The following EXOC3L4 variants were observed in gnomAD, a reference collection of about 807,000 sequenced individuals.
EXOC3L4 encodes exocyst complex component 3-like protein 4.
In EXOC3L4, 62 loss-of-function variants were observed where a neutral mutation model predicts 69.7. The observed-to-expected ratio is 0.89, with a 90% confidence interval of 0.72 to 1.10. The LOEUF (loss-of-function observed/expected upper bound fraction) is 1.10, where lower values mean the gene tolerates loss of function less well. EXOC3L4 is among the 50% of genes least tolerant of loss of function. EXOC3L4 has a pLI of 0.00. For missense variants in EXOC3L4, 1,087 were observed against 1,034.8 expected (o/e 1.05, Z -0.69); for synonymous variants, 502 against 464.2 (o/e 1.08, Z -1.05).
chr14:103,102,752 G>T lies in EXOC3L4; in HGVS notation c.1029G>T (p.Trp343Cys). 1.5e-6 allele frequency: 2 copies of T among 1,370,540 alleles called. No individual in the cohort carries two copies. The highest frequency in any genetic ancestry group is 2.0e-4 in the Middle Eastern group (1 of 5,006). The allele number at this position is 1,370,540 out of a possible 1,614,324, so 84.9% of individuals were successfully genotyped here. A position where few individuals can be genotyped will look rare whatever the true frequency, so the allele number is the denominator to read the frequency against. ...AGCAGCTCTATATCCTGCTGGACTG[G>T]GCCGCCAACGTCTACGGCAGGTGAG... ...GCEQLYILLD[W>C]AANVYGSPDF... Residue 343 changes from tryptophan (W) to cysteine (C), a missense_variant, in exon 3 of 12, where the codon TGG (tryptophan) becomes TGT (cysteine). Physicochemically the swap from Trp to Cys is radical, Grantham distance 215. Coordinates refer to ENST00000688303, the MANE Select transcript of EXOC3L4 (RefSeq NM_001077594.2).
At chr14:103,105,537 C>T (rs7150997) in intron 7 of EXOC3L4, among the ~76,000 whole-genome samples, 30,473 of 151,960 alleles carry the variant, frequency 0.2, 3,446 homozygotes, top group South Asian at 0.27. Flanking sequence ...GAGCAGAGGC[C>T]GAGGGGTTCC....
rs1488108958 is a variant in EXOC3L4 at position 103,107,920 on chromosome 14, C to T, written c.1854+137C>T. 1.5e-5 allele frequency: 19 copies of T among 1,264,844 alleles called. No individual in the cohort carries two copies. In the Middle Eastern group the frequency reaches 8.5e-4, roughly 57 times the overall value. 78.4% of individuals were successfully genotyped at this position (1,264,844 alleles called of 1,614,324 possible). On this transcript the variant is annotated intron_variant, in intron 10 of 11. Coordinates refer to ENST00000688303, the MANE Select transcript of EXOC3L4 (RefSeq NM_001077594.2). ...GGATCAGGTGGAACAGGGACTGGGG[C>T]GCCTGTGGGGCTGGGGGGTGGAGGG...
At chr14:103,105,416 A>AG (rs1191155833) in intron 7 of EXOC3L4, among the ~76,000 whole-genome samples, 14 of 148,470 alleles carry the variant, frequency 9.4e-5, no homozygotes, top group African/African-American at 3.5e-4. Context: ...ATGTGCGTGT[A>AG]GGGGTGGAGC....
Position 103,103,791 on chromosome 14 carries a change from C to T in EXOC3L4, c.1050-150C>T, listed in dbSNP as rs1253713812. On this transcript the variant is annotated intron_variant, in intron 3 of 11. Transcript: ENST00000688303. ...GGTGTGGCATGGCAGCCTAGAGGCG[C>T]GCGCGCGTGTGTGTGTGTGTGTGTG... 806 of 459,294 alleles carry T rather than the reference C, an allele frequency of 1.8e-3. 9 individuals are homozygous for T. The African/African-American group carries it at 0.018, about 10-fold the overall frequency. 28.5% of individuals were successfully genotyped at this position (459,294 alleles called of 1,614,324 possible).
chr14:103,104,181 G>A (rs530977826), intron 4 of EXOC3L4, 86 bp from the exon 5 acceptor site: 153 of 1,453,254 alleles, frequency 1.1e-4, no homozygotes, highest in Middle Eastern at 2.5e-4. Flanking sequence ...GCGCGGGCTT[G>A]TGACCCGACA....
At position 103,100,451 on chromosome 14, in the gene EXOC3L4, C is replaced by T. The variant is rs189674968; in HGVS notation, c.232C>T (p.Arg78Ter). 107 of 1,613,354 alleles carry T rather than the reference C, an allele frequency of 6.6e-5. No homozygotes were observed. Among genetic ancestry groups the T allele is most frequent in the Admixed American group, 4.2e-4 (25 of 60,006 alleles). ...VSKEDTGLFR[R>*]SSCSLFRSFR... ...CAAGGAAGATACGGGCCTGTTCCGG[C>T]GAAGCTCCTGCTCCCTGTTCCGGTC... The change falls in exon 2 of 12, where the codon CGA becomes TGA. Residue 78 changes from arginine to a stop codon, truncating the protein, a stop_gained. Coordinates refer to ENST00000688303, the MANE Select transcript of EXOC3L4 (RefSeq NM_001077594.2). LOFTEE classifies it high-confidence loss of function.
rs749944424 is a variant in EXOC3L4, at chr14:103,107,594, TTGACCCTGACCC to T, written c.1702-22_1702-11del. The T allele has an allele frequency of 4.3e-6, 7 of 1,609,560 alleles. No individual in the cohort carries two copies. The African/African-American group carries it at 5.3e-5, about 12-fold the overall frequency. ...AGGGCTGTGCCCAGGATTGGGGCTG[TTGACCCTGACCC>T]TGACCCTGACCCTGGGCCGCCCAGG... On this transcript the variant is annotated intron_variant, in intron 9 of 11. Transcript: ENST00000688303.
In EXOC3L4 at chr14:103,099,458, G is replaced by T. The variant is rs75862237; in HGVS notation, c.-16-746G>T. 3.9e-5 allele frequency among the ~76,000 whole-genome samples: 6 copies of T among 152,290 alleles called. No homozygotes were observed. The South Asian group carries it at 8.3e-4, about 21-fold the overall frequency. On this transcript the variant is annotated intron_variant, in intron 1 of 11. Transcript: ENST00000688303. Reference sequence around the variant, plus strand: ...TGCTATGGTGGAGAGGGAGAGGAGTGGGGGGAGGAGGAGAGGCAATGGGTG... The same window carrying T: ...TGCTATGGTGGAGAGGGAGAGGAGTTGGGGGAGGAGGAGAGGCAATGGGTG...
intron 1 of EXOC3L4, chr14:103,098,859 G>A (rs1744200294): frequency 6.6e-6 from 1 of 152,222 alleles, no homozygotes; most frequent in Admixed American, 6.5e-5. Context: ...TCACTTGACT[G>A]TCTCTCCTTC....
At chr14:103,104,208 G>A (rs1218995505) in intron 4 of EXOC3L4, 59 bp from the exon 5 acceptor site, 5 of 1,482,234 alleles carry the variant, frequency 3.4e-6, no homozygotes, top group African/African-American at 2.9e-5. Flanking sequence ...CCCTCATCCC[G>A]GACGGCGCGG....
Position 103,103,797 on chromosome 14 carries a change from CGTGT to C in EXOC3L4, c.1050-115_1050-112del, listed in dbSNP as rs56147384. ...GCATGGCAGCCTAGAGGCGCGCGCG[CGTGT>C]GTGTGTGTGTGTGTGTGTGTGTGTG... On this transcript the variant is annotated intron_variant, in intron 3 of 11. Transcript: ENST00000688303. 1,969 of 429,690 alleles carry C rather than the reference CGTGT, an allele frequency of 4.6e-3. 2 individuals are homozygous for C. The highest frequency in any genetic ancestry group is 6.9e-3 in the Middle Eastern group (15 of 2,162). 26.6% of individuals were successfully genotyped at this position (429,690 alleles called of 1,614,324 possible). A position where few individuals can be genotyped will look rare whatever the true frequency, so the allele number is the denominator to read the frequency against.
Position 103,102,509 on chromosome 14 carries a change from G to T in EXOC3L4, c.786G>T (p.Ala262=). 7.2e-7 allele frequency: 1 copy of T among 1,382,960 alleles called. No individual in the cohort carries two copies. The highest frequency in any genetic ancestry group is 9.3e-7 in the Non-Finnish European group (1 of 1,074,892). The allele number at this position is 1,382,960 out of a possible 1,614,324, so 85.7% of individuals were successfully genotyped here. The change falls in exon 3 of 12, where the codon GCG becomes GCT. Residue 262 remains alanine (A), a synonymous_variant. Transcript: ENST00000688303. The stretch of plus-strand genomic sequence containing the variant: ...AGGAGCGCGTGCGGCGGCCGGGCGC[G>T]GGGTGGGCCTTCGGGGAGGCGGAGG... ...SAQERVRRPG[A]GWAFGEAEGA... is the part of the protein sequence containing the mutation.
chr14:103,110,469 G>A lies in EXOC3L4; in HGVS notation c.*246G>A, dbSNP rs1335419397. Reference sequence around the variant, plus strand: ...GCTCTCAATGCTGCCTATCGGGCGGGGGGGGGCCTCCCGCCCGACTGTCCA... The same window carrying A: ...GCTCTCAATGCTGCCTATCGGGCGGAGGGGGGCCTCCCGCCCGACTGTCCA... On this transcript the variant is annotated 3_prime_UTR_variant, in exon 12 of 12. Transcript: ENST00000688303. The A allele has an allele frequency of 3.0e-5, 19 of 636,124 alleles. No individual in the cohort carries two copies. The highest frequency in any genetic ancestry group is 4.9e-5 in the Non-Finnish European group (17 of 348,542). The allele number at this position is 636,124 out of a possible 1,614,324, so 39.4% of individuals were successfully genotyped here. A position where few individuals can be genotyped will look rare whatever the true frequency, so the allele number is the denominator to read the frequency against.
chr14:103,104,078 C>T (rs755149707), intron 4 of EXOC3L4, 26 bp downstream of exon 4: 8 of 1,525,100 alleles, frequency 5.2e-6, no homozygotes, highest in Admixed American at 4.0e-5. Context: ...TCAGGCTGGG[C>T]GGGCCAGGCT....
At chr14:103,105,199 T>C in intron 7 of EXOC3L4, 127 bp downstream of exon 7, 3 of 912,182 alleles carry the variant, frequency 3.3e-6, no homozygotes, top group Non-Finnish European at 4.9e-6. Context: ...TGTGTGTGTT[T>C]GTGTCTGTGT....
At chr14:103,108,744 C>T (rs912768185) in intron 11 of EXOC3L4, among the ~76,000 whole-genome samples, 3 of 152,198 alleles carry the variant, frequency 2.0e-5, no homozygotes, top group Non-Finnish European at 2.9e-5. Context: ...GGGGTGGGCA[C>T]GCCTCCAGTC....
intron 2 of EXOC3L4, 71 bp from the exon 3 acceptor site, chr14:103,102,047 C>T: frequency 6.8e-7 from 1 of 1,464,382 alleles, no homozygotes; most frequent in Non-Finnish European, 9.2e-7. Context: ...TGAGCCGTGG[C>T]CTGCAGGTCT....
chr14:103,108,301 G>C, intron 10 of EXOC3L4, 95 bp from the exon 11 acceptor site: 1 of 1,525,342 alleles, frequency 6.6e-7, no homozygotes, highest in Admixed American at 1.9e-5. Context: ...TGACGCTGCG[G>C]GAGGGCTGAC....
rs373755145 is a variant in EXOC3L4, at chr14:103,104,357, T to C, written c.1252T>C (p.Tyr418His). 380 of 1,588,024 alleles carry C rather than the reference T, an allele frequency of 2.4e-4. 2 individuals are homozygous for C. Among genetic ancestry groups the C allele is most frequent in the Non-Finnish European group, 3.0e-4 (350 of 1,168,562 alleles). The change falls in exon 5 of 12, where the codon TAC becomes CAC. Residue 418 changes from tyrosine to histidine, a missense_variant. Physicochemically the swap from Tyr to His is moderately conservative, Grantham distance 83. Coordinates refer to ENST00000688303, the MANE Select transcript of EXOC3L4 (RefSeq NM_001077594.2). Reference sequence around the variant, plus strand: ...GGTCCCCGAGGTGCTGCAGGGCCTCTACCAGGCGCCGCTGTCCATGGACGT... The same window carrying C: ...GGTCCCCGAGGTGCTGCAGGGCCTCCACCAGGCGCCGCTGTCCATGGACGT... ...AEVPEVLQGL[Y>H]QAPLSMDVHM...
Sources: gnomAD v4.1 joint callset for allele counts (sites outside exome capture counted in the v4.1 genomes callset) on GRCh38, gnomAD v4.1.1 for gene constraint, MANE v1.5 for transcripts, NCBI Gene and HGNC (gene_info 2026-07-23, HGNC 2026-07-21) for gene names.